LBHD1: variants seen among roughly 807,000 people sequenced by gnomAD.
LBHD1 encodes the protein LBH domain-containing protein 1.
A neutral mutation model predicts 31.1 loss-of-function variants in LBHD1; 28 were observed. That is an observed-to-expected ratio of 0.90 (90% CI 0.67 to 1.24). The LOEUF (loss-of-function observed/expected upper bound fraction) is 1.24. Ranked by LOEUF, LBHD1 falls within the 50% of genes most tolerant of loss-of-function variation. The pLI is 0.00. For synonymous variants in LBHD1, 105 were observed against 116.5 expected, an observed-to-expected ratio of 0.90 and a Z score of 0.63; for missense variants, 350 against 323.0, an observed-to-expected ratio of 1.08 and a Z score of -0.64.
At chr11:62,671,324 C>T in intron 1 of LBHD1, 1 of 923,468 alleles carries the variant, frequency 1.1e-6, no homozygotes, top group Non-Finnish European at 1.5e-6. Context: ...GTGTAGATGC[C>T]CTCCATGCGC....
intron 4 of LBHD1, chr11:62,666,478 CT>C: frequency 6.2e-7 from 1 of 1,614,012 alleles, no homozygotes. Flanking sequence ...CTGTCCCCAC[CT>C]TCGACTGGTT....
intron 3 of LBHD1, chr11:62,668,041 TAA>T (rs1944865689): frequency 3.7e-6 from 1 of 273,288 alleles, no homozygotes; most frequent in Non-Finnish European, 6.9e-6. Context: ...GCACTTGAGC[TAA>T]AAATTAATTT....
intron 4 of LBHD1, chr11:62,665,678 C>T (rs965069507): frequency 1.4e-6 from 2 of 1,459,774 alleles, no homozygotes; most frequent in Admixed American, 4.9e-5. Context: ...TCCTCCACTT[C>T]CCGCTGCAGC....
chr11:62,666,411 G>A (rs1419351444), intron 4 of LBHD1: 2 of 1,610,364 alleles, frequency 1.2e-6, no homozygotes, highest in Non-Finnish European at 8.5e-7. Flanking sequence ...CTGGCTGATA[G>A]TTGCCTGGCG....
At chr11:62,670,716 C>G (rs1438516625) in intron 1 of LBHD1, 1 of 150,362 alleles carries the variant, frequency 6.7e-6, no homozygotes, top group East Asian at 1.9e-4. Context: ...TCGAGACCAG[C>G]CTGACCTACA....
intron 3 of LBHD1, 118 bp downstream of exon 3, chr11:62,669,523 T>C (rs1944900499): frequency 1.3e-6 from 2 of 1,510,520 alleles, no homozygotes; most frequent in South Asian, 2.7e-5. Context: ...TTCACATTTA[T>C]TGAGCACCTG....
In LBHD1 at chr11:62,669,982, T is replaced by C; in HGVS notation, c.50A>G (p.Asn17Ser). ...RSKEDGLWTR[N>S]SPGSSQHPES... Reference sequence around the variant, plus strand: ...TGGATGCTGGGAGGAGCCTGGGCTATTTCTAGTCCAAAGCCCATCCTCCTT... The same window carrying C: ...TGGATGCTGGGAGGAGCCTGGGCTACTTCTAGTCCAAAGCCCATCCTCCTT... The change falls in exon 2 of 7, where the codon AAT (asparagine) becomes AGT (serine). Residue 17 changes from asparagine (N) to serine (S), a missense_variant. Physicochemically the swap from Asn to Ser is conservative, Grantham distance 46. Coordinates refer to ENST00000354588, the MANE Select transcript of LBHD1 (RefSeq NM_024099.5). The C allele has an allele frequency of 6.2e-7, 1 of 1,613,944 alleles. No individual in the cohort carries two copies. The highest frequency in any genetic ancestry group is 1.7e-4 in the Middle Eastern group (1 of 5,882).
At chr11:62,666,877 A>G (rs1944830807) in intron 4 of LBHD1, 1 of 1,614,048 alleles carries the variant, frequency 6.2e-7, no homozygotes, top group African/African-American at 1.3e-5. Context: ...TTCTATCAGA[A>G]TGCTTGAGGG....
chr11:62,665,244 C>T lies in LBHD1; in HGVS notation c.539-271G>A, dbSNP rs893003727. On this transcript the variant is annotated intron_variant, in intron 4 of 6. Coordinates refer to ENST00000354588, the MANE Select transcript of LBHD1 (RefSeq NM_024099.5). ...ATCCGCGGGGCTCCGCCCCGGCCTTCCGCGGGCCAATCGCAACTCGGGGGC... is the reference window on the plus strand; with the variant it reads ...ATCCGCGGGGCTCCGCCCCGGCCTTTCGCGGGCCAATCGCAACTCGGGGGC... The T allele has an allele frequency of 1.7e-5, 13 of 763,176 alleles. No individual in the cohort carries two copies. In the African/African-American group the frequency reaches 2.1e-4, roughly 12 times the overall value. 47.3% of individuals were successfully genotyped at this position (763,176 alleles called of 1,614,324 possible).
intron 3 of LBHD1, among the ~76,000 whole-genome samples, chr11:62,668,921 A>C (rs1944888865): frequency 6.6e-6 from 1 of 151,934 alleles, no homozygotes; most frequent in Non-Finnish European, 1.5e-5. Context: ...GTCTTGGGGT[A>C]ATTTTTTTTG....
chr11:62,669,500 T>C, intron 3 of LBHD1, 141 bp downstream of exon 3: 1 of 1,500,348 alleles, frequency 6.7e-7, no homozygotes, highest in Non-Finnish European at 8.8e-7. Flanking sequence ...AGCTGCCTTT[T>C]CTCTCCCACA....
At chr11:62,666,379 T>C in intron 4 of LBHD1, 1 of 1,604,978 alleles carries the variant, frequency 6.2e-7, no homozygotes, top group Non-Finnish European at 8.5e-7. Flanking sequence ...AGTGACACCC[T>C]CCAACCGTGC....
chr11:62,668,809 A>C (rs1055125174), intron 3 of LBHD1, among the ~76,000 whole-genome samples: 1 of 152,016 alleles, frequency 6.6e-6, no homozygotes, highest in Non-Finnish European at 1.5e-5. Flanking sequence ...GTCTCAAAAA[A>C]AAAAACCAAA....
intron 5 of LBHD1, among the ~76,000 whole-genome samples, chr11:62,663,794 CG>C (rs1257136425): frequency 8.6e-5 from 13 of 151,084 alleles, no homozygotes; most frequent in African/African-American, 3.1e-4. Context: ...GGACATAGAT[CG>C]GGGGCGGTGG....
At chr11:62,665,998 G>T (rs918465611) in intron 4 of LBHD1, 23 of 1,561,560 alleles carry the variant, frequency 1.5e-5, no homozygotes, top group Non-Finnish European at 1.7e-5. Flanking sequence ...AGAGTGGGGA[G>T]GGTAAGGTGG....
rs780507415 is a variant in LBHD1 at position 62,669,708 on chromosome 11, C to T, written c.246G>A (p.Leu82=). The T allele has an allele frequency of 1.2e-6, 2 of 1,614,136 alleles. No individual in the cohort carries two copies. The highest frequency in any genetic ancestry group is 1.7e-6 in the Non-Finnish European group (2 of 1,180,018). Residue 82 remains leucine (L), a synonymous_variant, in exon 3 of 7, where the codon CTG becomes CTA. Transcript: ENST00000354588. Reference sequence around the variant, plus strand: ...CTTCCTCACCATCAGTGAGCAGCAGCAGCTCCTCATGGGGCAAATGGAGAT... The same window carrying T: ...CTTCCTCACCATCAGTGAGCAGCAGTAGCTCCTCATGGGGCAAATGGAGAT... The part of the protein sequence containing the change: ...SGDLHLPHEE[L]LLLTDGEEED...
intron 3 of LBHD1, among the ~76,000 whole-genome samples, chr11:62,669,111 G>A (rs58196605): frequency 1.3e-5 from 2 of 151,860 alleles, no homozygotes; most frequent in Non-Finnish European, 2.9e-5. Context: ...TAGTAGAGAC[G>A]GGGTTTCACC....
Position 62,671,900 on chromosome 11 carries a change from CG to C in LBHD1, c.-348del, listed in dbSNP as rs2134659884. 2 of 1,610,454 alleles carry C rather than the reference CG, an allele frequency of 1.2e-6. No individual in the cohort carries two copies. The highest frequency in any genetic ancestry group is 4.5e-5 in the East Asian group (2 of 44,836). ...ACTGGTAGTCCCGAGGAAGGGTGGG[CG>C]GGTGGAGAGCCCCGGACTGGAGCTC... On this transcript the variant is annotated 5_prime_UTR_variant, in exon 1 of 7. Transcript: ENST00000354588.
intron 3 of LBHD1, among the ~76,000 whole-genome samples, chr11:62,668,738 G>A (rs1944885274): frequency 6.6e-6 from 1 of 151,130 alleles, no homozygotes; most frequent in Non-Finnish European, 1.5e-5. Context: ...AGGAGGCAGG[G>A]CTTGCAGTGA....
Sources: gnomAD v4.1 joint callset for allele counts (sites outside exome capture counted in the v4.1 genomes callset) on GRCh38, gnomAD v4.1.1 for gene constraint, MANE v1.5 for transcripts, NCBI Gene and HGNC (gene_info 2026-07-23, HGNC 2026-07-21) for gene names.